DNA2: variants seen among roughly 807,000 people sequenced by gnomAD.
DNA2 encodes the protein DNA replication helicase/nuclease 2.
In DNA2, 101 loss-of-function variants were observed where a neutral mutation model predicts 119.1. The ratio of observed to expected loss-of-function variants is 0.85; its 90% CI spans 0.72 to 1.00. The LOEUF (loss-of-function observed/expected upper bound fraction) is 1.00. Ranked by LOEUF, DNA2 falls within the 50% of genes least tolerant of loss-of-function variation. The probability of loss-of-function intolerance (pLI) is 0.00; values close to 1 mark genes in which losing one functional copy is unlikely to be tolerated. For synonymous variants in DNA2, 366 were observed against 424.4 expected (o/e 0.86, Z 1.69); for missense variants, 1,121 against 1,255.5 (o/e 0.89, Z 1.62).
chr10:68,470,289 G>A, intron 1 of DNA2, 126 bp from the exon 2 acceptor site: 2 of 773,580 alleles, frequency 2.6e-6, no homozygotes, highest in Non-Finnish European at 3.9e-6. Flanking sequence ...TTATTGCAAT[G>A]ACATTTAGAC....
chr10:68,470,985 A>G (rs775026448), intron 1 of DNA2, among the ~76,000 whole-genome samples: 3 of 152,194 alleles, frequency 2.0e-5, no homozygotes, highest in Non-Finnish European at 4.4e-5. Flanking sequence ...CAATACTTTC[A>G]TCCATCGGTC....
At chr10:68,418,945 T>A in intron 19 of DNA2, 89 bp downstream of exon 19, 7 of 1,240,456 alleles carry the variant, frequency 5.6e-6, no homozygotes, top group Non-Finnish European at 7.8e-6. Context: ...GGGGCTGGGA[T>A]TACAGGTGTG....
chr10:68,469,467 TTTTC>T (rs2052362555), intron 2 of DNA2, among the ~76,000 whole-genome samples: 1 of 151,946 alleles, frequency 6.6e-6, no homozygotes, highest in Non-Finnish European at 1.5e-5. Flanking sequence ...CGTGATTTTC[TTTTC>T]TTTTTTTTGA....
At chr10:68,445,190 C>A (rs955968373) in intron 7 of DNA2, 107 bp from the exon 8 acceptor site, 59 of 1,056,724 alleles carry the variant, frequency 5.6e-5, no homozygotes, top group Admixed American at 4.2e-4. Flanking sequence ...TAGGGCCGGG[C>A]ACAATGGCTT....
At chr10:68,468,007 A>T in intron 3 of DNA2, 116 bp downstream of exon 3, 1 of 785,436 alleles carries the variant, frequency 1.3e-6, no homozygotes, top group Non-Finnish European at 1.8e-6. Flanking sequence ...AAATGCAGCT[A>T]ATTAATACCA....
At chr10:68,419,459 C>T (rs2051637180) in intron 18 of DNA2, 1 of 519,924 alleles carries the variant, frequency 1.9e-6, no homozygotes, top group African/African-American at 1.9e-5. Flanking sequence ...TTATATGCTA[C>T]TAAAACAGTG....
At chr10:68,451,347 G>A (rs2052115344) in intron 5 of DNA2, among the ~76,000 whole-genome samples, 1 of 151,224 alleles carries the variant, frequency 6.6e-6, no homozygotes, top group African/African-American at 2.4e-5. Context: ...TCTCTTAATT[G>A]GTAAATAACC....
intron 2 of DNA2, among the ~76,000 whole-genome samples, chr10:68,469,194 G>GT (rs1484109683): frequency 1.9e-4 from 29 of 151,768 alleles, no homozygotes; most frequent in African/African-American, 7.0e-4. Context: ...ATGTCCATAT[G>GT]TTTTAATTAA....
Position 68,414,156 on chromosome 10 carries a change from C to A in DNA2, c.*883G>T, listed in dbSNP as rs1238010930. 1 of 151,314 alleles carries A rather than the reference C, an allele frequency of 6.6e-6. No individual in the cohort carries two copies. Among genetic ancestry groups the A allele is most frequent in the Admixed American group, 6.6e-5 (1 of 15,176 alleles). 9.4% of individuals were successfully genotyped at this position (151,314 alleles called of 1,614,324 possible). On this transcript the variant is annotated 3_prime_UTR_variant, in exon 21 of 21. Coordinates refer to ENST00000358410, the MANE Select transcript of DNA2 (RefSeq NM_001080449.3). ...GAAATAAAAATTTTAACATATTTAA[C>A]ACTCATTAAAAAAAACCCTCAAGAG...
chr10:68,434,131 C>T (rs1328408813), intron 10 of DNA2, among the ~76,000 whole-genome samples: 3 of 151,988 alleles, frequency 2.0e-5, no homozygotes, highest in Admixed American at 1.3e-4. Flanking sequence ...AAAAATTAGT[C>T]GGGCATGGTG....
At chr10:68,437,397 A>G (rs545784317) in intron 9 of DNA2, among the ~76,000 whole-genome samples, 156 bp from the exon 10 acceptor site, 1 of 152,092 alleles carries the variant, frequency 6.6e-6, no homozygotes, top group Admixed American at 6.6e-5. Flanking sequence ...ACACTCCAGG[A>G]GGCCGAGGCG....
chr10:68,468,092 T>C (rs747905019), intron 3 of DNA2, 31 bp downstream of exon 3: 2 of 1,480,184 alleles, frequency 1.4e-6, no homozygotes, highest in Non-Finnish European at 1.8e-6. Context: ...TCTCAGACCC[T>C]GCAGAAACAT....
intron 4 of DNA2, chr10:68,461,325 T>C (rs887146657): frequency 2.6e-5 from 4 of 152,186 alleles, no homozygotes; most frequent in African/African-American, 7.2e-5. Flanking sequence ...CATAGAAATA[T>C]TTTGAATGCA....
rs1340612771 is a variant in DNA2, at chr10:68,448,946, TGTGTGTGTGTGTGTGTGTGTGC to T, written c.939+1060_939+1081del. Among the ~76,000 whole-genome samples, 13 of 133,826 alleles carry T rather than the reference TGTGTGTGTGTGTGTGTGTGTGC, an allele frequency of 9.7e-5. No homozygotes were observed. The East Asian group carries it at 1.4e-3, about 15-fold the overall frequency. 87.8% of individuals were successfully genotyped at this position (133,826 alleles called of 152,430 possible). On this transcript the variant is annotated intron_variant, in intron 6 of 20. Transcript: ENST00000358410. ...CCACCACACCAGGTGTGTGTGTGTG[TGTGTGTGTGTGTGTGTGTGTGC>T]GTGTGTGTGTGTGTGTGTAGTAGTT...
Position 68,448,980 on chromosome 10 carries a change from T to TGTGTGTGC in DNA2, c.939+1047_939+1048insGCACACAC, listed in dbSNP as rs1554907491. ...GTGTGTGTGTGTGCGTGTGTGTGTG[T>TGTGTGTGC]GTGTGTAGTAGTTTCACCATGTTGG... is the stretch of plus-strand genomic sequence containing the variant. On this transcript the variant is annotated intron_variant, in intron 6 of 20. Transcript: ENST00000358410. 2.3e-4 allele frequency among the ~76,000 whole-genome samples: 32 copies of TGTGTGTGC among 142,116 alleles called. 1 individual carries two copies. Among genetic ancestry groups the TGTGTGTGC allele is most frequent in the African/African-American group, 9.2e-4 (31 of 33,584 alleles). The allele number at this position is 142,116 out of a possible 152,430, so 93.2% of individuals were successfully genotyped here. A position where few individuals can be genotyped will look rare whatever the true frequency, so the allele number is the denominator to read the frequency against.
intron 5 of DNA2, among the ~76,000 whole-genome samples, chr10:68,454,369 A>C (rs1265887771): frequency 6.6e-6 from 1 of 151,922 alleles, no homozygotes; most frequent in Non-Finnish European, 1.5e-5. Context: ...AAAAAAAAAA[A>C]CACATTTGGG....
At chr10:68,416,229 A>C (rs987443449) in intron 20 of DNA2, among the ~76,000 whole-genome samples, 1 of 152,192 alleles carries the variant, frequency 6.6e-6, no homozygotes, top group African/African-American at 2.4e-5. Flanking sequence ...GCACTTTGGG[A>C]GGAGGCGAGT....
chr10:68,419,279 A>G, intron 18 of DNA2, 66 bp from the exon 19 acceptor site: 1 of 1,255,494 alleles, frequency 8.0e-7, no homozygotes, highest in Non-Finnish European at 1.0e-6. Flanking sequence ...TCTGAATTTA[A>G]TAATTAAATG....
rs2051833080 is a variant in DNA2 at position 68,432,303 on chromosome 10, T to A, written c.1776A>T (p.Arg592=). The A allele has an allele frequency of 6.2e-7, 1 of 1,600,210 alleles. No homozygotes were observed. Among genetic ancestry groups the A allele is most frequent in the South Asian group, 1.1e-5 (1 of 87,656 alleles). Residue 592 remains arginine, a synonymous_variant, in exon 12 of 21, where the codon CGA becomes CGT. Transcript: ENST00000358410. ...MENTFVSKKL[R]DLIIDFREPQ... Reference sequence around the variant, plus strand: ...GTTCACGAAAGTCAATAATTAAATCTCGAAGTTTTTTGCTGAAAAGTGAAA... The same window carrying A: ...GTTCACGAAAGTCAATAATTAAATCACGAAGTTTTTTGCTGAAAAGTGAAA...
Sources: allele counts gnomAD v4.1 joint callset (sites outside exome capture counted in the v4.1 genomes callset), GRCh38; gene constraint gnomAD v4.1.1; transcripts MANE v1.5; gene names NCBI Gene and HGNC (gene_info 2026-07-23, HGNC 2026-07-21).